Variants in AK8 observed in about 807,000 individuals in gnomAD.
AK8 encodes adenylate kinase 8.
In AK8, 44 loss-of-function variants were observed where a neutral mutation model predicts 54.6. The ratio of observed to expected loss-of-function variants is 0.81; its 90% confidence interval spans 0.63 to 1.04. The LOEUF is 1.04. Among genes scored for constraint, AK8 ranks in the 50% least tolerant of loss-of-function variants. The probability of loss-of-function intolerance (pLI) is 0.00; values close to 1 mark genes in which losing one functional copy is unlikely to be tolerated. For missense variants in AK8, 555 were observed against 613.6 expected (o/e 0.90, Z 1.01); for synonymous variants, 239 against 245.6 (o/e 0.97, Z 0.25).
intron 5 of AK8, among the ~76,000 whole-genome samples, chr9:132,853,783 CA>C (rs71376669): frequency 0.11 from 4,459 of 42,356 alleles, 47 homozygotes; most frequent in African/African-American, 0.24. Context: ...GACTCTGCCT[CA>C]AAAAAAAAAA....
intron 9 of AK8, among the ~76,000 whole-genome samples, chr9:132,821,768 T>TAC (rs1564421271): frequency 4.5e-5 from 5 of 110,354 alleles, no homozygotes; most frequent in African/African-American, 7.9e-5. Context: ...TATACATATA[T>TAC]GTATATGTGT....
Position 132,745,843 on chromosome 9 carries a change from C to T in AK8, c.1122-18309G>A, listed in dbSNP as rs1045299417. 7.9e-5 allele frequency among the ~76,000 whole-genome samples: 12 copies of T among 152,268 alleles called. No homozygotes were observed. The South Asian group carries it at 1.0e-3, about 13-fold the overall frequency. On this transcript the variant is annotated intron_variant, in intron 11 of 12. Coordinates refer to ENST00000298545, the MANE Select transcript of AK8 (RefSeq NM_152572.3). Reference sequence around the variant, plus strand: ...TGGCCACCAGGAGCTTCTTTAAATGCGGTCTAAACTTGGACCCAAACTTGA... The same window carrying T: ...TGGCCACCAGGAGCTTCTTTAAATGTGGTCTAAACTTGGACCCAAACTTGA...
At chr9:132,836,172 C>G (rs1279805255) in intron 5 of AK8, among the ~76,000 whole-genome samples, 1 of 152,062 alleles carries the variant, frequency 6.6e-6, no homozygotes, top group East Asian at 1.9e-4. Flanking sequence ...ACCTGTAGTC[C>G]CAGCTTCTTG....
intron 11 of AK8, among the ~76,000 whole-genome samples, chr9:132,743,129 A>T (rs1837472158): frequency 6.6e-6 from 1 of 152,228 alleles, no homozygotes; most frequent in Non-Finnish European, 1.5e-5. Context: ...AGCCAGCTGC[A>T]GTCAATGTCA....
intron 2 of AK8, chr9:132,874,288 A>T (rs1288004894): frequency 3.9e-5 from 6 of 152,252 alleles, no homozygotes; most frequent in African/African-American, 1.4e-4. Flanking sequence ...GGCACAAGGA[A>T]AAGGCTTGGA....
chr9:132,854,365 C>T (rs1843092795), intron 5 of AK8, among the ~76,000 whole-genome samples: 1 of 152,230 alleles, frequency 6.6e-6, no homozygotes. Context: ...TGCTGTCCTC[C>T]TGAGCCCTCC....
At chr9:132,856,341 G>A (rs571217722) in intron 4 of AK8, among the ~76,000 whole-genome samples, 16 of 152,340 alleles carry the variant, frequency 1.1e-4, no homozygotes, top group African/African-American at 3.8e-4. Flanking sequence ...TGGCGGCTGC[G>A]ATACAGCCAG....
intron 5 of AK8, 123 bp downstream of exon 5, chr9:132,854,734 T>C: frequency 9.9e-7 from 1 of 1,007,800 alleles, no homozygotes; most frequent in Non-Finnish European, 1.5e-6. Flanking sequence ...CTTCACGGAG[T>C]TCCCGTTTGC....
At chr9:132,819,673 C>T (rs961680771) in intron 9 of AK8, among the ~76,000 whole-genome samples, 2 of 152,114 alleles carry the variant, frequency 1.3e-5, no homozygotes, top group Non-Finnish European at 2.9e-5. Flanking sequence ...ACATCTTATC[C>T]TAATCGATAT....
chr9:132,783,168 T>C (rs1398018355), intron 11 of AK8, among the ~76,000 whole-genome samples: 1 of 152,162 alleles, frequency 6.6e-6, no homozygotes, highest in Non-Finnish European at 1.5e-5. Context: ...TCTGAGACCC[T>C]TTCCCGGCGC....
rs111393085 is a variant in AK8, at chr9:132,764,427, G to A, written c.1121+28207C>T. 5.4e-3 allele frequency among the ~76,000 whole-genome samples: 816 copies of A among 152,134 alleles called. 6 individuals are homozygous for A. Among genetic ancestry groups the A allele is most frequent in the African/African-American group, 0.019 (775 of 41,530 alleles). On this transcript the variant is annotated intron_variant, in intron 11 of 12. Transcript: ENST00000298545. Reference sequence around the variant, plus strand: ...AGTTTTTAACAAAATCAATTAGCTTGATTAACAAGAAAAAAACAGAAAAGA... The same window carrying A: ...AGTTTTTAACAAAATCAATTAGCTTAATTAACAAGAAAAAAACAGAAAAGA...
intron 2 of AK8, among the ~76,000 whole-genome samples, chr9:132,868,087 G>C (rs1316846076): frequency 2.0e-5 from 3 of 152,196 alleles, no homozygotes; most frequent in Non-Finnish European, 4.4e-5. Context: ...CCTGACCCAA[G>C]GTGACAGATG....
At chr9:132,836,683 GACAGAC>G (rs1842336458) in intron 5 of AK8, among the ~76,000 whole-genome samples, 1 of 152,160 alleles carries the variant, frequency 6.6e-6, no homozygotes. Context: ...GCCCAGCTGG[GACAGAC>G]ACATTTCAAT....
At chr9:132,747,327 G>A (rs1837698752) in intron 11 of AK8, among the ~76,000 whole-genome samples, 1 of 151,992 alleles carries the variant, frequency 6.6e-6, no homozygotes, top group African/African-American at 2.4e-5. Context: ...TTTTAGTAGA[G>A]ATGGGGTTTC....
intron 11 of AK8, among the ~76,000 whole-genome samples, chr9:132,789,871 A>T (rs1199960616): frequency 6.6e-6 from 1 of 152,092 alleles, no homozygotes; most frequent in African/African-American, 2.4e-5. Flanking sequence ...TCAGGAGGAA[A>T]CTCTGCTTTT....
intron 10 of AK8, among the ~76,000 whole-genome samples, chr9:132,808,546 C>G (rs1487281835): frequency 3.3e-5 from 5 of 152,100 alleles, no homozygotes; most frequent in Non-Finnish European, 7.4e-5. Context: ...GTTGGCAGCA[C>G]CTGTGAGGAC....
intron 11 of AK8, among the ~76,000 whole-genome samples, chr9:132,741,661 C>A (rs1837399511): frequency 6.6e-6 from 1 of 152,180 alleles, no homozygotes; most frequent in Non-Finnish European, 1.5e-5. Flanking sequence ...GTTTTGACAT[C>A]TTTACTGAGC....
intron 9 of AK8, among the ~76,000 whole-genome samples, chr9:132,821,754 A>C (rs28630658): frequency 1.1e-5 from 1 of 86,974 alleles, no homozygotes; most frequent in Non-Finnish European, 2.3e-5. Flanking sequence ...TGTATATACA[A>C]ATATATACAT....
intron 10 of AK8, among the ~76,000 whole-genome samples, chr9:132,805,395 C>T (rs1029363113): frequency 3.3e-5 from 5 of 152,194 alleles, no homozygotes; most frequent in Non-Finnish European, 4.4e-5. Flanking sequence ...CAAGGAACAG[C>T]GCTAAGCAGG....
Sources: allele counts gnomAD v4.1 joint callset (sites outside exome capture counted in the v4.1 genomes callset), GRCh38; gene constraint gnomAD v4.1.1; transcripts MANE v1.5; gene names NCBI Gene and HGNC (gene_info 2026-07-23, HGNC 2026-07-21).